THSD4: variants seen among roughly 807,000 people sequenced by gnomAD.
The protein encoded by THSD4 is thrombospondin type 1 domain containing 4.
Under a neutral mutation model 119.0 loss-of-function variants are expected in THSD4, and 69 were observed. That is an observed-to-expected ratio of 0.58 (90% confidence interval 0.48 to 0.71). The LOEUF (loss-of-function observed/expected upper bound fraction) is 0.71, where lower values mean the gene tolerates loss of function less well. Among genes scored for constraint, THSD4 ranks in the 30% least tolerant of loss-of-function variants. The pLI is 0.00. For synonymous variants in THSD4, 524 were observed against 540.4 expected (o/e 0.97, Z 0.42); for missense variants, 1,393 against 1,391.1 (o/e 1.00, Z -0.02).
intron 6 of THSD4, among the ~76,000 whole-genome samples, chr15:71,277,292 A>G (rs1242370341): frequency 6.6e-6 from 1 of 151,556 alleles, no homozygotes; most frequent in Non-Finnish European, 1.5e-5. Flanking sequence ...CGCCCACCTA[A>G]TGTTTGTATT....
At chr15:71,685,619 T>A (rs556467581) in intron 8 of THSD4, among the ~76,000 whole-genome samples, 1 of 152,292 alleles carries the variant, frequency 6.6e-6, no homozygotes, top group Non-Finnish European at 1.5e-5. Context: ...GATAGATTAT[T>A]TGGCTAAAGT....
chr15:71,683,212 G>A (rs1184733561), intron 8 of THSD4, among the ~76,000 whole-genome samples: 2 of 151,812 alleles, frequency 1.3e-5, no homozygotes, highest in Admixed American at 6.6e-5. Flanking sequence ...GTGAGCCATC[G>A]CACCCAGCCT....
intron 7 of THSD4, among the ~76,000 whole-genome samples, chr15:71,611,473 G>A (rs1026395723): frequency 6.6e-5 from 10 of 152,216 alleles, no homozygotes; most frequent in African/African-American, 2.4e-4. Flanking sequence ...CAACCCCTGT[G>A]CCCATTCACA....
chr15:71,645,336 A>T (rs2050947570), intron 7 of THSD4, among the ~76,000 whole-genome samples: 1 of 152,226 alleles, frequency 6.6e-6, no homozygotes, highest in African/African-American at 2.4e-5. Flanking sequence ...GTCCTTCTTC[A>T]CATGATGGCA....
intron 2 of THSD4, among the ~76,000 whole-genome samples, chr15:71,150,101 G>A (rs1291368591): frequency 6.6e-6 from 1 of 152,132 alleles, no homozygotes; most frequent in African/African-American, 2.4e-5. Flanking sequence ...AGGAGTGTGG[G>A]ATTTGTTTGC....
At position 71,777,283 on chromosome 15, in the gene THSD4, G is replaced by C; in HGVS notation, c.2966G>C (p.Arg989Thr). 2 of 1,614,240 alleles carry C rather than the reference G, an allele frequency of 1.2e-6. No homozygotes were observed. The highest frequency in any genetic ancestry group is 1.7e-6 in the Non-Finnish European group (2 of 1,180,048). Residue 989 changes from arginine (R) to threonine (T), a missense_variant, in exon 18 of 18, where the codon AGA (arginine) becomes ACA (threonine). Physicochemically the swap from Arg to Thr is moderately conservative, Grantham distance 71 (BLOSUM62 -1). Transcript: ENST00000261862. The part of the protein sequence containing the change: ...YYNCNVVVQA[R>T]LCVYNYYKTA... ...AACTGCAACGTGGTGGTCCAGGCAA[G>C]ACTCTGTGTCTACAACTACTACAAG... is the stretch of plus-strand genomic sequence containing the variant.
At chr15:71,483,304 C>T (rs75422507) in intron 7 of THSD4, among the ~76,000 whole-genome samples, 2,339 of 152,144 alleles carry the variant, frequency 0.015, 39 homozygotes, top group South Asian at 0.049. Flanking sequence ...AATCTTCATA[C>T]GTGTGAATAT....
rs116196486 is a variant in THSD4, at chr15:71,510,638, G to A, written c.1152+98815G>A. 7.8e-3 allele frequency among the ~76,000 whole-genome samples: 1,186 copies of A among 152,276 alleles called. 21 individuals carry two copies. The highest frequency in any genetic ancestry group is 0.027 in the African/African-American group (1,124 of 41,552). The stretch of plus-strand genomic sequence containing the variant: ...ATGCTGCTGCCTGGATTAGGGCAAA[G>A]CATGAGATGGACCTGAAGACAAACC... On this transcript the variant is annotated intron_variant, in intron 7 of 17. Coordinates refer to ENST00000261862, the MANE Select transcript of THSD4 (RefSeq NM_024817.3).
chr15:71,533,812 A>G (rs921331869), intron 7 of THSD4, among the ~76,000 whole-genome samples: 20 of 152,184 alleles, frequency 1.3e-4, no homozygotes, highest in African/African-American at 4.3e-4. Context: ...TTGAAGATGA[A>G]GGGGAGACCT....
intron 7 of THSD4, among the ~76,000 whole-genome samples, chr15:71,541,208 T>C (rs2048755427): frequency 6.6e-6 from 1 of 152,330 alleles, no homozygotes; most frequent in Non-Finnish European, 1.5e-5. Context: ...ATATTCAAAA[T>C]ATTATTTCAA....
At chr15:71,458,914 T>C (rs1178143233) in intron 7 of THSD4, among the ~76,000 whole-genome samples, 1 of 152,004 alleles carries the variant, frequency 6.6e-6, no homozygotes, top group Non-Finnish European at 1.5e-5. Context: ...CTTGACTCTG[T>C]GATTCATTTT....
At chr15:71,193,454 A>G (rs2043690318) in intron 3 of THSD4, among the ~76,000 whole-genome samples, 1 of 152,296 alleles carries the variant, frequency 6.6e-6, no homozygotes, top group East Asian at 1.9e-4. Flanking sequence ...ATGATACATG[A>G]CTTAGGATTT....
intron 8 of THSD4, among the ~76,000 whole-genome samples, chr15:71,714,256 G>A (rs764177806): frequency 3.3e-5 from 5 of 152,096 alleles, no homozygotes; most frequent in Non-Finnish European, 7.3e-5. Flanking sequence ...AAAGATGTGC[G>A]GTGGGTGTTG....
chr15:71,306,162 C>T (rs912086944), intron 6 of THSD4, among the ~76,000 whole-genome samples: 3 of 151,734 alleles, frequency 2.0e-5, no homozygotes, highest in Non-Finnish European at 2.9e-5. Context: ...AAAAATCAGC[C>T]GGGCGTGGTG....
chr15:71,324,528 T>C (rs2045315766), intron 6 of THSD4, among the ~76,000 whole-genome samples: 1 of 152,200 alleles, frequency 6.6e-6, no homozygotes, highest in African/African-American at 2.4e-5. Context: ...ACACACAGTG[T>C]AGCTCCCACT....
At chr15:71,196,304 C>A (rs2140232354) in intron 3 of THSD4, among the ~76,000 whole-genome samples, 1 of 152,266 alleles carries the variant, frequency 6.6e-6, no homozygotes, top group African/African-American at 2.4e-5. Context: ...CCATAGCAGC[C>A]ACCCAGAGTC....
chr15:71,197,569 G>A (rs754315560), intron 3 of THSD4, among the ~76,000 whole-genome samples: 2 of 152,124 alleles, frequency 1.3e-5, no homozygotes, highest in Non-Finnish European at 2.9e-5. Flanking sequence ...ATTTGTCATC[G>A]TGGGAAAGCA....
intron 2 of THSD4, among the ~76,000 whole-genome samples, chr15:71,148,600 A>G (rs1173354782): frequency 6.6e-6 from 1 of 152,212 alleles, no homozygotes; most frequent in East Asian, 1.9e-4. Context: ...GGATGAATGC[A>G]GCTTTATTGC....
At chr15:71,241,663 C>T (rs1310838447) in intron 4 of THSD4, among the ~76,000 whole-genome samples, 1 of 152,180 alleles carries the variant, frequency 6.6e-6, no homozygotes, top group Non-Finnish European at 1.5e-5. Context: ...TGATATCAGC[C>T]ATGATGGAAG....
Sources: gnomAD v4.1 joint callset for allele counts (sites outside exome capture counted in the v4.1 genomes callset) on GRCh38, gnomAD v4.1.1 for gene constraint, MANE v1.5 for transcripts, NCBI Gene and HGNC (gene_info 2026-07-23, HGNC 2026-07-21) for gene names.